The following GDAP2 variants were observed in gnomAD, a reference collection of about 807,000 sequenced individuals.
GDAP2 encodes ganglioside induced differentiation associated protein 2.
GDAP2 carries 51 observed loss-of-function variants against 67.0 expected under a neutral mutation model. The observed-to-expected ratio is 0.76, with a 90% CI of 0.61 to 0.96. The LOEUF is 0.96. GDAP2 is among the 40% of genes least tolerant of loss of function. GDAP2 has a pLI of 0.00. For missense variants in GDAP2, 547 were observed against 588.3 expected (o/e 0.93, Z 0.73); for synonymous variants, 203 against 207.3 (o/e 0.98, Z 0.18).
intron 9 of GDAP2, 113 bp downstream of exon 9, chr1:117,887,585 C>A: frequency 1.4e-6 from 1 of 734,504 alleles, no homozygotes; most frequent in South Asian, 1.5e-5. Context: ...AGTACAAAAC[C>A]ATTTTGTTCA....
chr1:117,922,032 G>T (rs1650269908), intron 1 of GDAP2, among the ~76,000 whole-genome samples: 1 of 151,802 alleles, frequency 6.6e-6, no homozygotes, highest in Non-Finnish European at 1.5e-5. Context: ...AGGGTAGAGT[G>T]ATAACCAATG....
chr1:117,902,475 T>A (rs145280538), intron 6 of GDAP2, among the ~76,000 whole-genome samples: 4 of 152,338 alleles, frequency 2.6e-5, no homozygotes, highest in Admixed American at 6.5e-5. Context: ...GAGCTAATTT[T>A]TGTATCTGCT....
intron 13 of GDAP2, 77 bp from the exon 14 acceptor site, chr1:117,870,693 C>T (rs1557792046): frequency 1.0e-6 from 1 of 979,708 alleles, no homozygotes; most frequent in Non-Finnish European, 1.7e-6. Context: ...AAGGGATTTA[C>T]AGTCATTGAG....
At chr1:117,893,070 T>C (rs944293083) in intron 8 of GDAP2, among the ~76,000 whole-genome samples, 5 of 152,158 alleles carry the variant, frequency 3.3e-5, no homozygotes, top group Admixed American at 6.6e-5. Context: ...TTATTACCAG[T>C]AGTATCCAGC....
rs560059018 is a variant in GDAP2, at chr1:117,888,543, A to G, written c.954-769T>C. On this transcript the variant is annotated intron_variant, in intron 8 of 13. Coordinates refer to ENST00000369443, the MANE Select transcript of GDAP2 (RefSeq NM_017686.4). ...TAGAGTTGAATTTGAAGTTGCACTC[A>G]GGTCTCTAGATTTCCGGAAAGGTCA... is the stretch of plus-strand genomic sequence containing the variant. 3.9e-5 allele frequency among the ~76,000 whole-genome samples: 6 copies of G among 152,322 alleles called. No individual in the cohort carries two copies. In the South Asian group the frequency reaches 1.2e-3, roughly 32 times the overall value.
intron 7 of GDAP2, among the ~76,000 whole-genome samples, chr1:117,898,520 A>T (rs1649336812): frequency 2.6e-5 from 4 of 152,186 alleles, no homozygotes; most frequent in Admixed American, 2.6e-4. Flanking sequence ...TGTGAGGCAT[A>T]TCTCCACAGA....
In GDAP2 at chr1:117,911,770, C is replaced by CT. The variant is rs1246111202; in HGVS notation, c.559+223dup. On this transcript the variant is annotated intron_variant, in intron 5 of 13. Coordinates refer to ENST00000369443, the MANE Select transcript of GDAP2 (RefSeq NM_017686.4). ...TTTAATGATTAAAAAAAAAAAAAAC[C>CT]TTTTTTTTTTGAGATGAGGTCTCAC... Among the ~76,000 whole-genome samples, 1,175 of 146,122 alleles carry CT rather than the reference C, an allele frequency of 8.0e-3. 13 individuals are homozygous for CT. The highest frequency in any genetic ancestry group is 0.026 in the African/African-American group (1,044 of 39,850).
At chr1:117,919,287 T>C (rs1650159474) in intron 2 of GDAP2, among the ~76,000 whole-genome samples, 2 of 149,950 alleles carry the variant, frequency 1.3e-5, no homozygotes, top group Middle Eastern at 3.2e-3. Context: ...GGCAGGAGAA[T>C]GGTGTGAACC....
At chr1:117,882,446 C>G (rs1384653400) in intron 11 of GDAP2, among the ~76,000 whole-genome samples, 1 of 152,126 alleles carries the variant, frequency 6.6e-6, no homozygotes, top group Admixed American at 6.6e-5. Flanking sequence ...AGTGGCAGAG[C>G]CAGGAACTGA....
intron 9 of GDAP2, among the ~76,000 whole-genome samples, chr1:117,887,277 T>C (rs1648890962): frequency 6.6e-6 from 1 of 152,086 alleles, no homozygotes; most frequent in South Asian, 2.1e-4. Flanking sequence ...CACTACAACT[T>C]TGATCCAGGC....
intron 6 of GDAP2, among the ~76,000 whole-genome samples, chr1:117,904,839 A>C (rs557072910): frequency 2.6e-5 from 4 of 152,326 alleles, no homozygotes; most frequent in South Asian, 4.1e-4. Context: ...GATAAGCACA[A>C]TGGTTCGCTG....
Position 117,920,188 on chromosome 1 carries a change from A to C in GDAP2, c.170T>G (p.Val57Gly). The C allele has an allele frequency of 6.3e-7, 1 of 1,585,296 alleles. No individual in the cohort carries two copies. The highest frequency in any genetic ancestry group is 8.6e-7 in the Non-Finnish European group (1 of 1,158,460). The change falls in exon 2 of 14, where the codon GTT becomes GGT. Residue 57 changes from valine to glycine, a missense_variant. Physicochemically the swap from Val to Gly is moderately radical, Grantham distance 109 (BLOSUM62 -3). Coordinates refer to ENST00000369443, the MANE Select transcript of GDAP2 (RefSeq NM_017686.4). Reference sequence around the variant, plus strand: ...GATGTAATCAAAAAATTACCAAAGAACCACTTTTCCATTGACGTCCTTATT... The same window carrying C: ...GATGTAATCAAAAAATTACCAAAGACCCACTTTTCCATTGACGTCCTTATT... The part of the protein sequence containing the change: ...LYNKDVNGKV[V>G]LWKGDVALLN...
chr1:117,900,799 G>A (rs772885163), intron 6 of GDAP2, among the ~76,000 whole-genome samples: 11 of 150,422 alleles, frequency 7.3e-5, no homozygotes, highest in African/African-American at 2.0e-4. Context: ...GGTGGCTCAC[G>A]CCTATAATCC....
chr1:117,891,086 C>T (rs901423965), intron 8 of GDAP2, among the ~76,000 whole-genome samples: 3 of 150,832 alleles, frequency 2.0e-5, no homozygotes, highest in Non-Finnish European at 3.0e-5. Context: ...AAATCTGAAA[C>T]ACTTCTGGTC....
intron 13 of GDAP2, 43 bp from the exon 14 acceptor site, chr1:117,870,659 C>A (rs555474614): frequency 2.9e-5 from 36 of 1,248,422 alleles, no homozygotes; most frequent in Non-Finnish European, 4.3e-5. Context: ...GTAACAGAAC[C>A]AATTTAACTG....
intron 6 of GDAP2, among the ~76,000 whole-genome samples, chr1:117,904,458 G>A (rs1458131727): frequency 6.6e-6 from 1 of 152,130 alleles, no homozygotes; most frequent in East Asian, 1.9e-4. Flanking sequence ...ATACAAAGAG[G>A]TAAATGTCTA....
At chr1:117,901,690 A>T (rs1557803498) in intron 6 of GDAP2, among the ~76,000 whole-genome samples, 1 of 150,818 alleles carries the variant, frequency 6.6e-6, no homozygotes, top group East Asian at 1.9e-4. Flanking sequence ...ATTATGTTTA[A>T]TTTTTTTTTT....
At chr1:117,896,375 G>C (rs1263045323) in intron 8 of GDAP2, among the ~76,000 whole-genome samples, 1 of 152,160 alleles carries the variant, frequency 6.6e-6, no homozygotes, top group Non-Finnish European at 1.5e-5. Flanking sequence ...AAGACATATG[G>C]AAGAAATGGA....
chr1:117,873,220 T>C (rs552779742), intron 13 of GDAP2, among the ~76,000 whole-genome samples: 4 of 152,318 alleles, frequency 2.6e-5, no homozygotes, highest in African/African-American at 9.6e-5. Context: ...AAAAACTGTA[T>C]ATTCTCTGCT....
Sources: gnomAD v4.1 joint callset for allele counts (sites outside exome capture counted in the v4.1 genomes callset) on GRCh38, gnomAD v4.1.1 for gene constraint, MANE v1.5 for transcripts, NCBI Gene and HGNC (gene_info 2026-07-23, HGNC 2026-07-21) for gene names.